Variants in ALKBH8 observed in about 807,000 individuals in gnomAD.
ALKBH8 encodes alkB homolog 8, tRNA methyltransferase, also known as tRNA (carboxymethyluridine(34)-5-O)-methyltransferase ALKBH8.
ALKBH8 carries 36 observed loss-of-function variants against 59.8 expected under a neutral mutation model. The observed-to-expected ratio is 0.60, with a 90% confidence interval of 0.46 to 0.79. ALKBH8 has a LOEUF of 0.79. Among genes scored for constraint, ALKBH8 ranks in the 30% least tolerant of loss-of-function variants. ALKBH8 has a pLI of 0.00. For synonymous variants in ALKBH8, 276 were observed against 273.6 expected (o/e 1.01, Z -0.09); for missense variants, 768 against 801.0 (o/e 0.96, Z 0.50).
intron 10 of ALKBH8, among the ~76,000 whole-genome samples, chr11:107,512,938 A>T (rs1862700582): frequency 6.6e-6 from 1 of 152,190 alleles, no homozygotes. Flanking sequence ...ACCTAAGACT[A>T]CAAAAACTCT....
chr11:107,560,975 AT>A, intron 1 of ALKBH8, 76 bp from the exon 2 acceptor site: 1 of 1,282,294 alleles, frequency 7.8e-7, no homozygotes, highest in Admixed American at 2.4e-5. Context: ...TTATTCATAC[AT>A]TCTATAGTTT....
At chr11:107,533,367 G>A (rs942358735) in intron 7 of ALKBH8, among the ~76,000 whole-genome samples, 1 of 152,080 alleles carries the variant, frequency 6.6e-6, no homozygotes, top group Non-Finnish European at 1.5e-5. Context: ...TACAAAGTAA[G>A]CATTCAATAA....
intron 2 of ALKBH8, among the ~76,000 whole-genome samples, chr11:107,558,427 T>C (rs985340247): frequency 2.0e-5 from 3 of 152,206 alleles, no homozygotes; most frequent in Non-Finnish European, 4.4e-5. Flanking sequence ...TTAATTAAAA[T>C]ACCAAAATAA....
chr11:107,556,846 G>C lies in ALKBH8; in HGVS notation c.287C>G (p.Ala96Gly), dbSNP rs202072333. Residue 96 changes from alanine to glycine, a missense_variant, in exon 3 of 12, where the codon GCC (alanine) becomes GGC (glycine). By Grantham distance (60) the Ala-to-Gly change is moderately conservative (BLOSUM62 0). Coordinates refer to ENST00000428149, the MANE Select transcript of ALKBH8 (RefSeq NM_138775.3). Reference sequence around the variant, plus strand: ...TTCTTTTCCATTGAGGGTAACATAGGCTCTCTTAGATTCTTCTGTAGTTCT... The same window carrying C: ...TTCTTTTCCATTGAGGGTAACATAGCCTCTCTTAGATTCTTCTGTAGTTCT... ...RYRTTEESKR[A>G]YVTLNGKEVV... 30 of 1,579,452 alleles carry C rather than the reference G, an allele frequency of 1.9e-5. No individual in the cohort carries two copies. In the East Asian group the frequency reaches 5.1e-4, roughly 27 times the overall value.
Position 107,532,372 on chromosome 11 carries a change from G to A in ALKBH8, c.806C>T (p.Ala269Val), listed in dbSNP as rs748398390. Residue 269 changes from alanine (A) to valine (V), a missense_variant, in exon 8 of 12, where the codon GCA (alanine) becomes GTA (valine). Physicochemically the swap from Ala to Val is moderately conservative, Grantham distance 64. Transcript: ENST00000428149. Reference sequence around the variant, plus strand: ...CCGACGAGGCAACATAACTGGCACTGCAATGCCATCTGGGTGCTTAAAATC... The same window carrying A: ...CCGACGAGGCAACATAACTGGCACTACAATGCCATCTGGGTGCTTAAAATC... Reference protein sequence around the residue: ...VMDFKHPDGIAVPVMLPRRSL... With the variant: ...VMDFKHPDGIVVPVMLPRRSL... 3 of 1,613,556 alleles carry A rather than the reference G, an allele frequency of 1.9e-6. No homozygotes were observed. Among genetic ancestry groups the A allele is most frequent in the Admixed American group, 1.7e-5 (1 of 59,994 alleles).
intron 2 of ALKBH8, among the ~76,000 whole-genome samples, chr11:107,559,111 T>C (rs182980878): frequency 0.011 from 1,659 of 152,322 alleles, 26 homozygotes; most frequent in African/African-American, 0.038. Context: ...CCCTTTCGCT[T>C]GGCTCTCATT....
At chr11:107,540,831 T>C (rs1312068904) in intron 7 of ALKBH8, among the ~76,000 whole-genome samples, 1 of 152,220 alleles carries the variant, frequency 6.6e-6, no homozygotes, top group Non-Finnish European at 1.5e-5. Context: ...TATTTTAAAT[T>C]GTATCTTTGT....
chr11:107,513,979 C>T (rs1168808864), intron 10 of ALKBH8, among the ~76,000 whole-genome samples: 4 of 152,044 alleles, frequency 2.6e-5, no homozygotes, highest in East Asian at 1.9e-4. Flanking sequence ...AATCTGTACA[C>T]GGAATCCCTG....
intron 11 of ALKBH8, among the ~76,000 whole-genome samples, chr11:107,509,411 A>G (rs1017528714): frequency 1.3e-5 from 2 of 152,114 alleles, no homozygotes; most frequent in African/African-American, 4.8e-5. Context: ...ATTCCTTATC[A>G]GATATACAAT....
intron 10 of ALKBH8, among the ~76,000 whole-genome samples, chr11:107,517,219 C>T (rs955351199): frequency 6.6e-6 from 1 of 152,094 alleles, no homozygotes; most frequent in South Asian, 2.1e-4. Context: ...TGAGATTTTA[C>T]CTCACACTTG....
At chr11:107,512,026 G>A (rs1351182058) in intron 10 of ALKBH8, among the ~76,000 whole-genome samples, 1 of 152,076 alleles carries the variant, frequency 6.6e-6, no homozygotes, top group Admixed American at 6.5e-5. Context: ...GGCATGGTGG[G>A]CAGCTAGGAG....
chr11:107,547,920 C>T (rs553575523), intron 7 of ALKBH8, among the ~76,000 whole-genome samples: 22 of 152,116 alleles, frequency 1.4e-4, no homozygotes, highest in Non-Finnish European at 1.3e-4. Context: ...GCAAATTTTC[C>T]CTTCTTCATA....
At chr11:107,517,767 T>C (rs968152412) in intron 10 of ALKBH8, among the ~76,000 whole-genome samples, 2 of 152,176 alleles carry the variant, frequency 1.3e-5, no homozygotes, top group Non-Finnish European at 2.9e-5. Flanking sequence ...AGTTGAAGTA[T>C]GGGAAGCTGG....
intron 2 of ALKBH8, among the ~76,000 whole-genome samples, chr11:107,557,669 A>G (rs1307462149): frequency 1.3e-5 from 2 of 152,242 alleles, no homozygotes; most frequent in Admixed American, 6.5e-5. Flanking sequence ...AAGGAAATTC[A>G]GACTAAGTAA....
intron 10 of ALKBH8, among the ~76,000 whole-genome samples, chr11:107,520,387 G>A (rs534648029): frequency 1.8e-4 from 28 of 152,200 alleles, no homozygotes; most frequent in African/African-American, 3.6e-4. Flanking sequence ...GATTGTGTTC[G>A]TTTTCTGTTT....
At chr11:107,513,791 C>T (rs1416264277) in intron 10 of ALKBH8, among the ~76,000 whole-genome samples, 2 of 151,992 alleles carry the variant, frequency 1.3e-5, no homozygotes, top group Admixed American at 6.6e-5. Context: ...ATGCAGGTGC[C>T]GAAAACCAAA....
rs912327053 is a variant in ALKBH8, at chr11:107,511,584, A to AT, written c.1288-549dup. The stretch of plus-strand genomic sequence containing the variant: ...ATCCCCCCCAAAAAAAATCAAAATA[A>AT]TTTTTTTTTGAGATGGAGTTTCGCT... On this transcript the variant is annotated intron_variant, in intron 10 of 11. Transcript: ENST00000428149. Among the ~76,000 whole-genome samples, 717 of 151,498 alleles carry AT rather than the reference A, an allele frequency of 4.7e-3. 21 individuals are homozygous for AT. The highest frequency in any genetic ancestry group is 0.016 in the East Asian group (82 of 5,158).
rs1289190055 is a variant in ALKBH8 at position 107,503,100 on chromosome 11, T to C, written c.*1558A>G. On this transcript the variant is annotated 3_prime_UTR_variant, in exon 12 of 12. Coordinates refer to ENST00000428149, the MANE Select transcript of ALKBH8 (RefSeq NM_138775.3). ...TCAATTTTGGTATTTTTCATCTTCA[T>C]AGAAAATCATCTATTTCATTTGGAT... is the stretch of plus-strand genomic sequence containing the variant. 1 of 152,206 alleles carries C rather than the reference T, an allele frequency of 6.6e-6. No individual in the cohort carries two copies. Among genetic ancestry groups the C allele is most frequent in the Admixed American group, 6.5e-5 (1 of 15,284 alleles). The allele number at this position is 152,206 out of a possible 1,614,324, so 9.4% of individuals were successfully genotyped here.
In ALKBH8 at chr11:107,563,820, G is replaced by A. The variant is rs148368517; in HGVS notation, c.-7+1781C>T. On this transcript the variant is annotated intron_variant, in intron 1 of 11. Transcript: ENST00000428149. The stretch of plus-strand genomic sequence containing the variant: ...ACTAAGAGTCCAGCACCAGCAGGTG[G>A]AGCCTCATAACCACATTTTTGTCAT... The A allele has an allele frequency of 9.2e-5, 14 of 152,310 alleles. No individual in the cohort carries two copies. In the East Asian group the frequency reaches 2.7e-3, roughly 29 times the overall value. 9.4% of individuals were successfully genotyped at this position (152,310 alleles called of 1,614,324 possible).
Sources: gnomAD v4.1 joint callset for allele counts (sites outside exome capture counted in the v4.1 genomes callset) on GRCh38, gnomAD v4.1.1 for gene constraint, MANE v1.5 for transcripts, NCBI Gene and HGNC (gene_info 2026-07-23, HGNC 2026-07-21) for gene names.